Variants in CBLB observed in about 807,000 individuals in gnomAD.
CBLB encodes E3 ubiquitin-protein ligase CBL-B.
Under a neutral mutation model 104.9 loss-of-function variants are expected in CBLB, and 31 were observed. The ratio of observed to expected loss-of-function variants is 0.30; its 90% confidence interval spans 0.22 to 0.40. The LOEUF (loss-of-function observed/expected upper bound fraction) is 0.40, where lower values mean the gene tolerates loss of function less well. Among genes scored for constraint, CBLB ranks in the 10% least tolerant of loss-of-function variants. The pLI, the probability that CBLB is intolerant of heterozygous loss-of-function variation, is 1.00. For synonymous variants in CBLB, 440 were observed against 422.6 expected, an observed-to-expected ratio of 1.04 and a Z score of -0.51; for missense variants, 1,062 against 1,214.6, an observed-to-expected ratio of 0.87 and a Z score of 1.87.
intron 2 of CBLB, among the ~76,000 whole-genome samples, chr3:105,856,552 A>G (rs570400645): frequency 1.3e-5 from 2 of 152,258 alleles, no homozygotes; most frequent in East Asian, 1.9e-4. Context: ...AGAATTGCTG[A>G]GTACATAACC....
chr3:105,702,494 A>AC (rs1553727122), intron 11 of CBLB, 35 bp from the exon 12 acceptor site: 4 of 1,476,842 alleles, frequency 2.7e-6, no homozygotes, highest in African/African-American at 2.9e-5. Context: ...AAAAAAAAAA[A>AC]AAAAACTAAA....
rs1315921251 is a variant in CBLB at position 105,657,546 on chromosome 3, A to G, written c.*1424T>C. Reference sequence around the variant, plus strand: ...AGACTTTGTCATAAAAAACACAGAAAAACAAAAATAAAACATTACGCTGGA... The same window carrying G: ...AGACTTTGTCATAAAAAACACAGAAGAACAAAAATAAAACATTACGCTGGA... On this transcript the variant is annotated 3_prime_UTR_variant, in exon 19 of 19. Coordinates refer to ENST00000394030, the MANE Select transcript of CBLB (RefSeq NM_170662.5). 9.7e-6 allele frequency: 2 copies of G among 205,948 alleles called. No homozygotes were observed. The highest frequency in any genetic ancestry group is 4.6e-5 in the African/African-American group (2 of 43,902). The allele number at this position is 205,948 out of a possible 1,614,324, so 12.8% of individuals were successfully genotyped here.
At chr3:105,839,160 T>C (rs547346828) in intron 3 of CBLB, among the ~76,000 whole-genome samples, 92 of 152,228 alleles carry the variant, frequency 6.0e-4, no homozygotes, top group Middle Eastern at 3.4e-3. Context: ...AACTGGTAAA[T>C]TTAGCAGGCA....
intron 3 of CBLB, among the ~76,000 whole-genome samples, chr3:105,851,711 T>C: frequency 6.6e-6 from 1 of 152,222 alleles, no homozygotes; most frequent in East Asian, 1.9e-4. Flanking sequence ...TTGAGAATAC[T>C]GTCTCATGAA....
At chr3:105,668,483 G>A (rs1252648281) in intron 18 of CBLB, among the ~76,000 whole-genome samples, 1 of 152,104 alleles carries the variant, frequency 6.6e-6, no homozygotes, top group Non-Finnish European at 1.5e-5. Context: ...ATCAGTCATA[G>A]CACTTTGCTC....
intron 3 of CBLB, among the ~76,000 whole-genome samples, chr3:105,783,747 T>A (rs1306870031): frequency 6.6e-6 from 1 of 152,132 alleles, no homozygotes; most frequent in Non-Finnish European, 1.5e-5. Context: ...TCCAGGGTGA[T>A]GCAGTTCTGG....
At chr3:105,857,589 A>C (rs1224131591) in intron 2 of CBLB, among the ~76,000 whole-genome samples, 1 of 152,230 alleles carries the variant, frequency 6.6e-6, no homozygotes, top group East Asian at 1.9e-4. Flanking sequence ...GTATCTTCTG[A>C]ATCTCGGGCT....
intron 14 of CBLB, among the ~76,000 whole-genome samples, chr3:105,682,740 T>G (rs1241790882): frequency 6.6e-6 from 1 of 152,108 alleles, no homozygotes. Context: ...TGGCCGCAAG[T>G]GATCTGCCTA....
At chr3:105,763,408 C>T (rs543050482) in intron 4 of CBLB, among the ~76,000 whole-genome samples, 1 of 152,210 alleles carries the variant, frequency 6.6e-6, no homozygotes, top group Non-Finnish European at 1.5e-5. Context: ...TTGTTAGCTC[C>T]CATAATTCCC....
chr3:105,813,027 A>G (rs1377633999), intron 3 of CBLB, among the ~76,000 whole-genome samples: 1 of 152,148 alleles, frequency 6.6e-6, no homozygotes, highest in African/African-American at 2.4e-5. Flanking sequence ...TAAAGTAAAC[A>G]AGCAGTATGT....
At chr3:105,752,387 CTT>C (rs2076672583) in intron 4 of CBLB, among the ~76,000 whole-genome samples, 1 of 152,208 alleles carries the variant, frequency 6.6e-6, no homozygotes, top group Non-Finnish European at 1.5e-5. Context: ...CACCTACCCT[CTT>C]TCCCACCATG....
At chr3:105,754,330 T>C (rs1355462624) in intron 4 of CBLB, among the ~76,000 whole-genome samples, 2 of 152,160 alleles carry the variant, frequency 1.3e-5, no homozygotes, top group African/African-American at 2.4e-5. Context: ...CCAGAAAGCA[T>C]GAATTTTCAC....
intron 9 of CBLB, among the ~76,000 whole-genome samples, chr3:105,732,321 GAACT>G (rs1366663055): frequency 1.3e-5 from 2 of 152,130 alleles, no homozygotes; most frequent in African/African-American, 4.8e-5. Context: ...TAAGTTTGCA[GAACT>G]ATTACTGTTA....
chr3:105,666,821 C>G (rs925308327), intron 18 of CBLB, among the ~76,000 whole-genome samples: 1 of 152,168 alleles, frequency 6.6e-6, no homozygotes, highest in Non-Finnish European at 1.5e-5. Flanking sequence ...GAAAACAACT[C>G]TAGGTTCTCT....
chr3:105,731,383 T>C (rs114623615), intron 9 of CBLB, among the ~76,000 whole-genome samples: 77 of 152,328 alleles, frequency 5.1e-4, no homozygotes, highest in Admixed American at 9.1e-4. Flanking sequence ...GGCTAATTGA[T>C]AGAAACAAGA....
At chr3:105,679,141 G>C (rs2065996694) in intron 16 of CBLB, among the ~76,000 whole-genome samples, 1 of 151,930 alleles carries the variant, frequency 6.6e-6, no homozygotes, top group South Asian at 2.1e-4. Context: ...CAGAGAATAT[G>C]ATATTTTTCA....
At chr3:105,791,288 T>C (rs2081607942) in intron 3 of CBLB, among the ~76,000 whole-genome samples, 1 of 152,220 alleles carries the variant, frequency 6.6e-6, no homozygotes, top group Non-Finnish European at 1.5e-5. Flanking sequence ...TCTCAGCCCC[T>C]GGTGTATTAA....
chr3:105,734,350 A>T lies in CBLB; in HGVS notation c.1072-210T>A, dbSNP rs1216794376. ...AAAAAGGTTTGAACTTTTATCATCT[A>T]TCTTACATGCTTCTTAATGATTCAT... On this transcript the variant is annotated intron_variant, in intron 8 of 18. Transcript: ENST00000394030. Among the ~76,000 whole-genome samples, 3 of 152,204 alleles carry T rather than the reference A, an allele frequency of 2.0e-5. No homozygotes were observed. In the East Asian group the frequency reaches 5.8e-4, roughly 29 times the overall value.
At chr3:105,812,143 A>G (rs907726044) in intron 3 of CBLB, among the ~76,000 whole-genome samples, 3 of 152,172 alleles carry the variant, frequency 2.0e-5, no homozygotes, top group African/African-American at 7.2e-5. Flanking sequence ...AATGGCATAT[A>G]CAGTTAAAGA....
Sources: allele counts gnomAD v4.1 joint callset (sites outside exome capture counted in the v4.1 genomes callset), GRCh38; gene constraint gnomAD v4.1.1; transcripts MANE v1.5; gene names NCBI Gene and HGNC (gene_info 2026-07-23, HGNC 2026-07-21).